Variants in AGTPBP1 observed in about 807,000 individuals in gnomAD.
AGTPBP1 encodes cytosolic carboxypeptidase 1.
In AGTPBP1, 70 loss-of-function variants were observed where a neutral mutation model predicts 143.9. That is an observed-to-expected ratio of 0.49 (90% confidence interval 0.40 to 0.59). The LOEUF is 0.59. AGTPBP1 is among the 20% of genes least tolerant of loss of function. The pLI is 0.00. For missense variants in AGTPBP1, 1,229 were observed against 1,464.5 expected (o/e 0.84, Z 2.62); for synonymous variants, 463 against 500.2 (o/e 0.93, Z 0.99).
At chr9:85,804,653 T>C in the AGTPBP1 span, among the ~76,000 whole-genome samples, 2 of 152,220 alleles carry the variant, frequency 1.3e-5, no homozygotes, top group Non-Finnish European at 2.9e-5. Flanking sequence ...TACAGCTGGG[T>C]GCCGGCTCTG....
At chr9:85,556,138 TA>T (rs1346693321) in intron 25 of AGTPBP1, among the ~76,000 whole-genome samples, 2 of 152,090 alleles carry the variant, frequency 1.3e-5, no homozygotes, top group Non-Finnish European at 2.9e-5. Flanking sequence ...CCTAGAAGTT[TA>T]AAAAATACTA....
chr9:85,726,289 AC>A (rs1214586792), intron 1 of AGTPBP1, among the ~76,000 whole-genome samples: 1 of 152,082 alleles, frequency 6.6e-6, no homozygotes, highest in Admixed American at 6.5e-5. Context: ...CAACTCAGTT[AC>A]CCCCAATGTT....
chr9:85,704,658 T>C (rs1241964300), intron 2 of AGTPBP1, among the ~76,000 whole-genome samples: 1 of 152,140 alleles, frequency 6.6e-6, no homozygotes, highest in African/African-American at 2.4e-5. Flanking sequence ...CTCAAGAATA[T>C]TTAAGGAATA....
chr9:85,743,920 TTC>T (rs898127737), upstream of AGTPBP1, among the ~76,000 whole-genome samples: 8 of 118,550 alleles, frequency 6.7e-5, no homozygotes, highest in African/African-American at 3.1e-4. Flanking sequence ...CTTTTTCTTT[TTC>T]TTTCTTTTTT....
chr9:85,567,478 G>A lies in AGTPBP1; in HGVS notation c.3503+7837C>T, dbSNP rs143429705. On this transcript the variant is annotated intron_variant, in intron 25 of 25. Coordinates refer to ENST00000357081, the MANE Select transcript of AGTPBP1 (RefSeq NM_001330701.2). ...GTAGTGGTCCATGCCTGTAATCCCA[G>A]CTACTAGGGAGGCTGAGGCAGAAGA... Among the ~76,000 whole-genome samples, 1,481 of 152,272 alleles carry A rather than the reference G, an allele frequency of 9.7e-3. 24 individuals are homozygous for A. The highest frequency in any genetic ancestry group is 0.034 in the African/African-American group (1,398 of 41,556).
At chr9:85,670,110 A>G (rs1444479009) in intron 7 of AGTPBP1, among the ~76,000 whole-genome samples, 1 of 152,200 alleles carries the variant, frequency 6.6e-6, no homozygotes, top group East Asian at 1.9e-4. Flanking sequence ...AGTAGTAGTT[A>G]GGGCAGGAGT....
At chr9:85,654,658 C>T (rs1277979336) in intron 11 of AGTPBP1, among the ~76,000 whole-genome samples, 1 of 152,048 alleles carries the variant, frequency 6.6e-6, no homozygotes, top group Non-Finnish European at 1.5e-5. Flanking sequence ...GACTGGCCAA[C>T]ATGGCGAAAA....
At chr9:85,564,977 T>G (rs1826988340) in intron 25 of AGTPBP1, among the ~76,000 whole-genome samples, 1 of 152,034 alleles carries the variant, frequency 6.6e-6, no homozygotes, top group African/African-American at 2.4e-5. Flanking sequence ...TCACATGAGG[T>G]TACAGTGAGA....
chr9:85,746,928 A>G (rs967144757), upstream of AGTPBP1, among the ~76,000 whole-genome samples: 11 of 152,286 alleles, frequency 7.2e-5, no homozygotes, highest in East Asian at 5.8e-4. Flanking sequence ...ATCATAGCCC[A>G]CTGCAGCCTC....
At chr9:85,740,076 G>T (rs1824142461) in intron 1 of AGTPBP1, among the ~76,000 whole-genome samples, 1 of 152,028 alleles carries the variant, frequency 6.6e-6, no homozygotes, top group Admixed American at 6.6e-5. Flanking sequence ...TCTGCTAATG[G>T]AAGTAAAACC....
chr9:85,678,814 C>G (rs1834991638), intron 4 of AGTPBP1, among the ~76,000 whole-genome samples: 1 of 152,174 alleles, frequency 6.6e-6, no homozygotes, highest in Non-Finnish European at 1.5e-5. Flanking sequence ...TAAAAGAAAT[C>G]CATGTAAATA....
intron 10 of AGTPBP1, among the ~76,000 whole-genome samples, chr9:85,655,731 G>A (rs570829882): frequency 9.9e-5 from 15 of 151,726 alleles, no homozygotes; most frequent in Middle Eastern, 3.4e-3. Flanking sequence ...ACCTTCCTCA[G>A]AACTGTATCA....
intron 12 of AGTPBP1, among the ~76,000 whole-genome samples, chr9:85,645,270 G>A (rs569496443): frequency 1.3e-5 from 2 of 152,148 alleles, no homozygotes; most frequent in Non-Finnish European, 2.9e-5. Context: ...TAGGGAAAAC[G>A]TGAGCAATCA....
At chr9:85,709,437 T>G (rs1426425825) in intron 2 of AGTPBP1, among the ~76,000 whole-genome samples, 1 of 152,224 alleles carries the variant, frequency 6.6e-6, no homozygotes, top group Non-Finnish European at 1.5e-5. Context: ...TCACCATTTT[T>G]TTAGTGATAC....
At chr9:85,650,418 T>C (rs1334127132) in intron 11 of AGTPBP1, among the ~76,000 whole-genome samples, 2 of 152,166 alleles carry the variant, frequency 1.3e-5, no homozygotes, top group Non-Finnish European at 2.9e-5. Context: ...CCACCTCCAC[T>C]TAATGAACAG....
rs760445421 is a variant in AGTPBP1, at chr9:85,677,572, T to C, written c.300A>G (p.Arg100=). The C allele has an allele frequency of 6.5e-7, 1 of 1,531,202 alleles. No individual in the cohort carries two copies. Among genetic ancestry groups the C allele is most frequent in the Non-Finnish European group, 8.7e-7 (1 of 1,148,188 alleles). The allele number at this position is 1,531,202 out of a possible 1,614,324, so 94.9% of individuals were successfully genotyped here. Residue 100 remains arginine, a synonymous_variant, in exon 6 of 26, where the codon CGA becomes CGG. Coordinates refer to ENST00000357081, the MANE Select transcript of AGTPBP1 (RefSeq NM_001330701.2). ...CTTTGGTGACTAAGAAACTCACTCTTCGACCTCCACCTAAAAATTAAAAAA... is the reference window on the plus strand; with the variant it reads ...CTTTGGTGACTAAGAAACTCACTCTCCGACCTCCACCTAAAAATTAAAAAA... ...LVELVSAGGG[R]RVSFLVTKGG...
At chr9:85,648,206 C>A (rs1468377383) in intron 11 of AGTPBP1, among the ~76,000 whole-genome samples, 1 of 152,118 alleles carries the variant, frequency 6.6e-6, no homozygotes, top group Admixed American at 6.6e-5. Context: ...TTTCTGTGGG[C>A]ATTAGAGAAG....
Position 85,588,798 on chromosome 9 carries a change from A to C in AGTPBP1, c.2723-320T>G, listed in dbSNP as rs868757700. 2.6e-5 allele frequency among the ~76,000 whole-genome samples: 4 copies of C among 151,576 alleles called. No individual in the cohort carries two copies. The Middle Eastern group carries it at 0.01, about 387-fold the overall frequency. On this transcript the variant is annotated intron_variant, in intron 20 of 25. Coordinates refer to ENST00000357081, the MANE Select transcript of AGTPBP1 (RefSeq NM_001330701.2). ...AATGTTAATTTTATAAAGAACAAGC[A>C]CTTGGGGGAAGTTTAAAATATAAAA...
rs761729591 is a variant in AGTPBP1, at chr9:85,632,774, T to G, written c.1903A>C (p.Lys635Gln). ...HDPDLYIEIV[K>Q]NTKSVPEYSE... is the part of the protein sequence containing the mutation. ...TATTCTGGGACAGACTTCGTATTTT[T>G]CACAATCTCAATATAGAGGTCTGGG... The change falls in exon 14 of 26, where the codon AAA (lysine) becomes CAA (glutamine). Residue 635 changes from lysine (K) to glutamine (Q), a missense_variant. Physicochemically the swap from Lys to Gln is moderately conservative, Grantham distance 53. Around this residue, in one of 2 missense-constraint regions of AGTPBP1, gnomAD observed 743 missense variants for 812.2 expected, o/e 0.91. Coordinates refer to ENST00000357081, the MANE Select transcript of AGTPBP1 (RefSeq NM_001330701.2). 1.6e-5 allele frequency: 26 copies of G among 1,614,042 alleles called. No homozygotes were observed. The highest frequency in any genetic ancestry group is 2.1e-5 in the Non-Finnish European group (25 of 1,180,022).
Sources: allele counts gnomAD v4.1 joint callset (sites outside exome capture counted in the v4.1 genomes callset), GRCh38; gene constraint gnomAD v4.1.1; regional missense constraint gnomAD v4.1.1; transcripts MANE v1.5; gene names NCBI Gene and HGNC (gene_info 2026-07-23, HGNC 2026-07-21).